LIFR: variants seen among roughly 807,000 people sequenced by gnomAD.
The protein encoded by LIFR is leukemia inhibitory factor receptor.
A neutral mutation model predicts 122.2 loss-of-function variants in LIFR; 84 were observed. The ratio of observed to expected loss-of-function variants is 0.69; its 90% CI spans 0.58 to 0.82. LIFR has a LOEUF of 0.82. Ranked by LOEUF, LIFR falls within the 40% of genes least tolerant of loss-of-function variation. The pLI, the probability that LIFR is intolerant of heterozygous loss-of-function variation, is 0.00. For missense variants in LIFR, 1,294 were observed against 1,311.6 expected (o/e 0.99, Z 0.21); for synonymous variants, 422 against 434.7 (o/e 0.97, Z 0.36).
At chr5:38,508,569 T>C (rs1745619507) in intron 7 of LIFR, among the ~76,000 whole-genome samples, 1 of 151,362 alleles carries the variant, frequency 6.6e-6, no homozygotes, top group Non-Finnish European at 1.5e-5. Flanking sequence ...AAGCCGATTA[T>C]AAATTTCTTT....
chr5:38,499,967 T>C (rs1745090597), intron 11 of LIFR, among the ~76,000 whole-genome samples: 1 of 152,188 alleles, frequency 6.6e-6, no homozygotes, highest in African/African-American at 2.4e-5. Context: ...TCTCTTCTCC[T>C]AGATAAAAAC....
At chr5:38,575,984 A>T (rs1749371042) in intron 1 of LIFR, among the ~76,000 whole-genome samples, 1 of 152,162 alleles carries the variant, frequency 6.6e-6, no homozygotes, top group African/African-American at 2.4e-5. Flanking sequence ...TTGTTTGAGA[A>T]AGAGATACAG....
chr5:38,540,287 G>A (rs1047550262), intron 1 of LIFR, among the ~76,000 whole-genome samples: 1 of 152,170 alleles, frequency 6.6e-6, no homozygotes, highest in African/African-American at 2.4e-5. Flanking sequence ...TTTGTCACCT[G>A]CAGGAACAAA....
At chr5:38,516,359 T>C (rs749732972) in intron 5 of LIFR, among the ~76,000 whole-genome samples, 2 of 152,022 alleles carry the variant, frequency 1.3e-5, no homozygotes, top group Non-Finnish European at 2.9e-5. Flanking sequence ...CTTAAACAAA[T>C]TTACAAGAAA....
At chr5:38,596,015 C>T (rs578103087), upstream of LIFR, among the ~76,000 whole-genome samples, 23 of 152,264 alleles carry the variant, frequency 1.5e-4, no homozygotes, top group African/African-American at 5.5e-4. Context: ...GGATGACAGG[C>T]GTGAGCCACC....
At chr5:38,509,793 T>C (rs374147790) in intron 7 of LIFR, among the ~76,000 whole-genome samples, 21 of 152,274 alleles carry the variant, frequency 1.4e-4, no homozygotes, top group African/African-American at 3.9e-4. Flanking sequence ...GACCTAAAAA[T>C]TCTACATATT....
upstream of LIFR, among the ~76,000 whole-genome samples, chr5:38,560,241 T>C (rs547412232): frequency 1.3e-5 from 2 of 152,322 alleles, no homozygotes; most frequent in African/African-American, 4.8e-5. Flanking sequence ...GAGTGAAACT[T>C]TTTTTCATTT....
intron 1 of LIFR, chr5:38,594,918 T>G (rs1561233109): frequency 4.9e-6 from 1 of 203,192 alleles, no homozygotes; most frequent in East Asian, 7.5e-5. Context: ...GCTCTCTTCC[T>G]CAGGTGTCTG....
At chr5:38,507,910 A>G (rs1414689855) in intron 7 of LIFR, among the ~76,000 whole-genome samples, 1 of 152,186 alleles carries the variant, frequency 6.6e-6, no homozygotes, top group Non-Finnish European at 1.5e-5. Flanking sequence ...GAGTGTTTAT[A>G]TGAGAGTTTA....
rs748368659 is a variant in LIFR at position 38,489,070 on chromosome 5, T to G, written c.2335+8A>C. The G allele has an allele frequency of 6.2e-7, 1 of 1,609,990 alleles. No homozygotes were observed. Among genetic ancestry groups the G allele is most frequent in the Non-Finnish European group, 8.5e-7 (1 of 1,176,596 alleles). ...GAAACACTTTCCTTGTGCTATCAATTTACTCACCTGATTCTAAAACCCTCA... is the reference window on the plus strand; with the variant it reads ...GAAACACTTTCCTTGTGCTATCAATGTACTCACCTGATTCTAAAACCCTCA... On this transcript the variant is annotated splice_region_variant and intron_variant, in intron 16 of 19. Coordinates refer to ENST00000453190, the MANE Select transcript of LIFR (RefSeq NM_001127671.2).
At chr5:38,491,175 T>C (rs1382338690) in intron 14 of LIFR, among the ~76,000 whole-genome samples, 2 of 152,208 alleles carry the variant, frequency 1.3e-5, no homozygotes, top group Admixed American at 1.3e-4. Flanking sequence ...AGAAATACTT[T>C]GAATTAACTC....
rs560698737 is a variant in LIFR, at chr5:38,543,191, T to C, written c.-19-12525A>G. ...GGTTAATAAGAATGATACTAGATAC[T>C]ACCCTGGACAATGTGGAGAAATTGG... On this transcript the variant is annotated intron_variant, in intron 1 of 19. Transcript: ENST00000453190. 2.6e-5 allele frequency among the ~76,000 whole-genome samples: 4 copies of C among 152,096 alleles called. No homozygotes were observed. In the East Asian group the frequency reaches 5.8e-4, roughly 22 times the overall value.
At chr5:38,512,039 A>T (rs1486197044) in intron 5 of LIFR, 75 bp from the exon 6 acceptor site, 4 of 1,417,824 alleles carry the variant, frequency 2.8e-6, no homozygotes. Flanking sequence ...ATTAAAAGAC[A>T]CAATAGATTC....
At chr5:38,564,724 TACAC>T (rs1491087038) in intron 1 of LIFR, among the ~76,000 whole-genome samples, 2 of 143,168 alleles carry the variant, frequency 1.4e-5, no homozygotes, top group African/African-American at 2.6e-5. Flanking sequence ...AATATATATA[TACAC>T]ACACACTACA....
At chr5:38,532,919 T>C (rs149811863) in intron 1 of LIFR, among the ~76,000 whole-genome samples, 1 of 152,306 alleles carries the variant, frequency 6.6e-6, no homozygotes, top group African/African-American at 2.4e-5. Context: ...TTATACGATT[T>C]CAGGAGCTAA....
At chr5:38,505,804 A>T (rs1272285323) in intron 9 of LIFR, 101 bp downstream of exon 9, 1 of 560,366 alleles carries the variant, frequency 1.8e-6, no homozygotes, top group Non-Finnish European at 3.0e-6. Flanking sequence ...GTAACTATAA[A>T]GAAAATAATC....
At chr5:38,605,794 A>T (rs1481789861) in intron 2 of LIFR, among the ~76,000 whole-genome samples, 1 of 152,122 alleles carries the variant, frequency 6.6e-6, no homozygotes, top group African/African-American at 2.4e-5. Flanking sequence ...AAAGATTGCA[A>T]CCATTTGTCT....
At chr5:38,595,255 C>T (rs1334916885) in intron 1 of LIFR, 1 of 156,604 alleles carries the variant, frequency 6.4e-6, no homozygotes, top group Non-Finnish European at 1.4e-5. Context: ...CCCAGCAGTG[C>T]TGTACCTGGA....
At position 38,479,362 on chromosome 5, in the gene LIFR, C is replaced by T. The variant is rs1364651889; in HGVS notation, c.*2233G>A. 1.3e-5 allele frequency: 3 copies of T among 231,042 alleles called. No homozygotes were observed. Among genetic ancestry groups the T allele is most frequent in the Admixed American group, 5.6e-5 (1 of 17,714 alleles). 14.3% of individuals were successfully genotyped at this position (231,042 alleles called of 1,614,324 possible). ...GGGGAAAGGTGAGTGATATTCTGCA[C>T]TTTTTTCATACAGAAAAAAACAATG... On this transcript the variant is annotated 3_prime_UTR_variant, in exon 20 of 20. Coordinates refer to ENST00000453190, the MANE Select transcript of LIFR (RefSeq NM_001127671.2).
Sources: allele counts gnomAD v4.1 joint callset (sites outside exome capture counted in the v4.1 genomes callset), GRCh38; gene constraint gnomAD v4.1.1; transcripts MANE v1.5; gene names NCBI Gene and HGNC (gene_info 2026-07-23, HGNC 2026-07-21).